NID2: variants seen among roughly 807,000 people sequenced by gnomAD.
The protein encoded by NID2 is nidogen 2, also known as nidogen-2.
NID2 carries 83 observed loss-of-function variants against 145.4 expected under a neutral mutation model. That is an observed-to-expected ratio of 0.57 (90% CI 0.48 to 0.69). NID2 has a LOEUF of 0.69. NID2 is among the 30% of genes least tolerant of loss of function. The pLI, the probability that NID2 is intolerant of heterozygous loss-of-function variation, is 0.00. For synonymous variants in NID2, 739 were observed against 701.3 expected (o/e 1.05, Z -0.85); for missense variants, 1,807 against 1,765.7 (o/e 1.02, Z -0.42).
At chr14:52,019,009 T>A in intron 14 of NID2, 52 bp downstream of exon 14, 1 of 1,422,216 alleles carries the variant, frequency 7.0e-7, no homozygotes, top group Non-Finnish European at 9.8e-7. Flanking sequence ...GGAATTATGA[T>A]CTACCTACCA....
intron 5 of NID2, among the ~76,000 whole-genome samples, chr14:52,045,038 G>A (rs769865554): frequency 1.3e-5 from 2 of 152,136 alleles, no homozygotes; most frequent in Non-Finnish European, 2.9e-5. Flanking sequence ...ACATCTAGCT[G>A]GAGAATCTTA....
intron 3 of NID2, among the ~76,000 whole-genome samples, chr14:52,055,722 A>G (rs1892822542): frequency 6.6e-6 from 1 of 152,228 alleles, no homozygotes; most frequent in South Asian, 2.1e-4. Flanking sequence ...TATTTGTACA[A>G]AACACTATGC....
intron 8 of NID2, among the ~76,000 whole-genome samples, chr14:52,040,152 G>T (rs1258410449): frequency 6.6e-6 from 1 of 152,068 alleles, no homozygotes; most frequent in Non-Finnish European, 1.5e-5. Context: ...TGTTGGCCAG[G>T]CTGGTCTTGA....
intron 3 of NID2, among the ~76,000 whole-genome samples, chr14:52,057,703 CAAAAAAAAAAAA>C (rs5808649): frequency 3.3e-5 from 3 of 89,650 alleles, no homozygotes; most frequent in Non-Finnish European, 6.4e-5. Flanking sequence ...ACCTCCGTCT[CAAAAAAAAAAAA>C]AAAAAAAAAA....
chr14:52,050,548 C>G (rs973551425), intron 5 of NID2, among the ~76,000 whole-genome samples: 1 of 152,300 alleles, frequency 6.6e-6, no homozygotes, highest in East Asian at 1.9e-4. Flanking sequence ...AGACAAGTCA[C>G]TAAGTATTTC....
chr14:52,067,446 T>C (rs1288962328), intron 2 of NID2, among the ~76,000 whole-genome samples: 2 of 152,240 alleles, frequency 1.3e-5, no homozygotes, highest in Non-Finnish European at 2.9e-5. Flanking sequence ...TTATCAGTGG[T>C]GGGAAAATGA....
intron 9 of NID2, among the ~76,000 whole-genome samples, chr14:52,035,777 C>T (rs1356884454): frequency 2.6e-5 from 4 of 151,266 alleles, no homozygotes; most frequent in Non-Finnish European, 5.9e-5. Flanking sequence ...CTCCTGGGTT[C>T]AATCAGTTCT....
chr14:52,010,587 C>G, intron 18 of NID2: 1 of 268,076 alleles, frequency 3.7e-6, no homozygotes, highest in Non-Finnish European at 7.3e-6. Flanking sequence ...TTCAGAGTAG[C>G]CCTAGTTCTC....
intron 2 of NID2, among the ~76,000 whole-genome samples, chr14:52,062,810 T>C (rs1893057161): frequency 6.6e-6 from 1 of 152,206 alleles, no homozygotes; most frequent in Non-Finnish European, 1.5e-5. Flanking sequence ...TTTAGCACTT[T>C]ATTTTATTCA....
intron 12 of NID2, among the ~76,000 whole-genome samples, chr14:52,021,113 A>C (rs1891390080): frequency 6.6e-6 from 1 of 152,190 alleles, no homozygotes; most frequent in South Asian, 2.1e-4. Context: ...TTTCAGAGTA[A>C]AAGGAGGATA....
chr14:52,036,660 C>T (rs995337332), intron 9 of NID2, among the ~76,000 whole-genome samples: 1 of 152,162 alleles, frequency 6.6e-6, no homozygotes, highest in African/African-American at 2.4e-5. Context: ...ATGTTCTCGC[C>T]AACACTTGTT....
intron 9 of NID2, among the ~76,000 whole-genome samples, chr14:52,031,510 C>T (rs12878555): frequency 0.067 from 10,232 of 152,230 alleles, 384 homozygotes; most frequent in Middle Eastern, 0.13. Flanking sequence ...ATTGAGCCAT[C>T]TCTGCTACAA....
chr14:52,016,170 C>CT (rs1392782956), intron 14 of NID2, among the ~76,000 whole-genome samples: 1 of 152,318 alleles, frequency 6.6e-6, no homozygotes, highest in South Asian at 2.1e-4. Context: ...GCCATTGAGG[C>CT]TTTGTCCAAA....
chr14:52,068,034 C>T lies in NID2; in HGVS notation c.358G>A (p.Gly120Ser). The change falls in exon 2 of 22, where the codon GGC (glycine) becomes AGC (serine). Residue 120 changes from glycine to serine, a missense_variant. Transcript: ENST00000216286. ...GTGTCCTCTCGGTACAGGACTCGGC[C>T]TCTGCCGTGGCTCGTGTCGATGTCC... The part of the protein sequence containing the change: ...LADIDTSHGR[G>S]RVLYREDTSP... The T allele has an allele frequency of 6.2e-7, 1 of 1,613,984 alleles. No individual in the cohort carries two copies. Among genetic ancestry groups the T allele is most frequent in the Non-Finnish European group, 8.5e-7 (1 of 1,179,940 alleles).
chr14:52,025,894 A>T (rs1239307648), intron 12 of NID2, among the ~76,000 whole-genome samples: 1 of 152,232 alleles, frequency 6.6e-6, no homozygotes, highest in Non-Finnish European at 1.5e-5. Context: ...AACTTTCAAT[A>T]CCACCACCAA....
At chr14:52,021,788 G>C (rs992615725) in intron 12 of NID2, among the ~76,000 whole-genome samples, 1 of 152,174 alleles carries the variant, frequency 6.6e-6, no homozygotes, top group Non-Finnish European at 1.5e-5. Flanking sequence ...AACCAGATTG[G>C]CTCCTCAGTT....
At chr14:52,013,916 CTT>C (rs1452645829) in intron 16 of NID2, among the ~76,000 whole-genome samples, 1 of 152,252 alleles carries the variant, frequency 6.6e-6, no homozygotes, top group Non-Finnish European at 1.5e-5. Context: ...TGTCCTGTCA[CTT>C]TGATTTCCAG....
At chr14:52,049,422 C>T (rs1595046139) in intron 5 of NID2, among the ~76,000 whole-genome samples, 1 of 145,102 alleles carries the variant, frequency 6.9e-6, no homozygotes, top group East Asian at 2.0e-4. Flanking sequence ...GGCCGGCCTG[C>T]CCTTCTTCAC....
At chr14:52,025,856 A>G (rs1174928775) in intron 12 of NID2, among the ~76,000 whole-genome samples, 2 of 152,230 alleles carry the variant, frequency 1.3e-5, no homozygotes, top group African/African-American at 4.8e-5. Flanking sequence ...TGAGTTTTGA[A>G]GAAGACGAAT....
Sources: gnomAD v4.1 joint callset for allele counts (sites outside exome capture counted in the v4.1 genomes callset) on GRCh38, gnomAD v4.1.1 for gene constraint, MANE v1.5 for transcripts, NCBI Gene and HGNC (gene_info 2026-07-23, HGNC 2026-07-21) for gene names.